The following AKAP19 variants were observed in gnomAD, a reference collection of about 807,000 sequenced individuals.
AKAP19 encodes the protein A-kinase anchoring protein 19, also known as small A-kinase anchoring protein.
the AKAP19 span, among the ~76,000 whole-genome samples, chr2:189,994,809 G>A: frequency 6.6e-6 from 1 of 152,078 alleles, no homozygotes; most frequent in African/African-American, 2.4e-5. Flanking sequence ...ATGTTGGCCA[G>A]GCTGGTCTCA....
the AKAP19 span, among the ~76,000 whole-genome samples, chr2:189,936,271 C>CAA: frequency 1.3e-5 from 2 of 151,708 alleles, no homozygotes; most frequent in Non-Finnish European, 2.9e-5. Flanking sequence ...CACACACACA[C>CAA]ACACACACAC....
At chr2:190,195,149 T>C in the AKAP19 span, among the ~76,000 whole-genome samples, 1 of 152,174 alleles carries the variant, frequency 6.6e-6, no homozygotes, top group African/African-American at 2.4e-5. Flanking sequence ...GGCGTGACTA[T>C]GCCCAGCCTA....
chr2:190,123,112 C>T, the AKAP19 span, among the ~76,000 whole-genome samples: 2 of 152,092 alleles, frequency 1.3e-5, no homozygotes, highest in African/African-American at 4.8e-5. Flanking sequence ...CACACACACA[C>T]TAAATATAGA....
chr2:190,016,634 C>A, the AKAP19 span, among the ~76,000 whole-genome samples: 62 of 152,276 alleles, frequency 4.1e-4, no homozygotes, highest in Middle Eastern at 6.8e-3. Context: ...TAGTTTCATA[C>A]AATTGTGATC....
the AKAP19 span, among the ~76,000 whole-genome samples, chr2:189,915,892 CAATTT>C: frequency 6.6e-6 from 1 of 151,954 alleles, no homozygotes; most frequent in African/African-American, 2.4e-5. Flanking sequence ...ATTTTTTGCT[CAATTT>C]AATTAGCTAT....
the AKAP19 span, among the ~76,000 whole-genome samples, chr2:189,931,666 C>A: frequency 6.6e-6 from 1 of 152,058 alleles, no homozygotes; most frequent in Non-Finnish European, 1.5e-5. Context: ...CCTCCTGCCT[C>A]AGCCCCAAAT....
chr2:190,137,294 A>G, the AKAP19 span, among the ~76,000 whole-genome samples: 1 of 152,216 alleles, frequency 6.6e-6, no homozygotes, highest in Admixed American at 6.5e-5. Flanking sequence ...TGTCCTTTAT[A>G]TAGTTCAAAT....
the AKAP19 span, among the ~76,000 whole-genome samples, chr2:189,980,044 C>T: frequency 3.3e-5 from 5 of 152,106 alleles, no homozygotes; most frequent in Non-Finnish European, 7.4e-5. Flanking sequence ...TCATTCAACC[C>T]AGCAATCTCA....
chr2:190,089,739 T>C, the AKAP19 span: 2 of 152,152 alleles, frequency 1.3e-5, no homozygotes, highest in Admixed American at 1.3e-4. Context: ...CAGCAAAGTG[T>C]TACTCCCGAA....
At chr2:190,093,922 A>G in the AKAP19 span, among the ~76,000 whole-genome samples, 1 of 152,210 alleles carries the variant, frequency 6.6e-6, no homozygotes, top group African/African-American at 2.4e-5. Context: ...CTCACCTCCA[A>G]CTTGGGCCAA....
chr2:190,166,195 T>G, the AKAP19 span, among the ~76,000 whole-genome samples: 1 of 151,256 alleles, frequency 6.6e-6, no homozygotes, highest in African/African-American at 2.4e-5. Context: ...AGCAATGTAA[T>G]GCTGATAGAC....
At chr2:190,020,958 C>T in the AKAP19 span, among the ~76,000 whole-genome samples, 2 of 152,112 alleles carry the variant, frequency 1.3e-5, no homozygotes, top group Non-Finnish European at 2.9e-5. Flanking sequence ...ATTAGCATAA[C>T]CTTGTATTAG....
the AKAP19 span, among the ~76,000 whole-genome samples, chr2:189,976,075 C>G: frequency 4.6e-5 from 7 of 152,116 alleles, no homozygotes; most frequent in African/African-American, 1.7e-4. Flanking sequence ...AGAATTTCAG[C>G]TTCCTGCTCT....
At chr2:189,916,408 A>T in the AKAP19 span, among the ~76,000 whole-genome samples, 5 of 143,266 alleles carry the variant, frequency 3.5e-5, no homozygotes, top group African/African-American at 5.2e-5. Flanking sequence ...TGCAACCTCC[A>T]CCTCCCAGGT....
At chr2:189,979,575 A>C in the AKAP19 span, among the ~76,000 whole-genome samples, 5 of 152,230 alleles carry the variant, frequency 3.3e-5, no homozygotes, top group African/African-American at 9.6e-5. Flanking sequence ...CAAAATAGAT[A>C]CATGAGACTT....
At chr2:190,200,261 T>G in the AKAP19 span, 1 of 823,320 alleles carries the variant, frequency 1.2e-6, no homozygotes, top group Non-Finnish European at 2.0e-6. Context: ...AAAATGTGTC[T>G]ACGATAATGT....
the AKAP19 span, among the ~76,000 whole-genome samples, chr2:190,004,587 T>A: frequency 4.6e-5 from 7 of 152,082 alleles, no homozygotes; most frequent in Admixed American, 6.6e-5. Context: ...CTTTTTATTT[T>A]TTTTTTTTGA....
the AKAP19 span, among the ~76,000 whole-genome samples, chr2:190,122,634 G>A: frequency 6.6e-6 from 1 of 152,068 alleles, no homozygotes; most frequent in Non-Finnish European, 1.5e-5. Flanking sequence ...CTCATTCTTT[G>A]ACTCCACAAT....
At chr2:190,047,500 T>C in the AKAP19 span, among the ~76,000 whole-genome samples, 1 of 152,198 alleles carries the variant, frequency 6.6e-6, no homozygotes, top group African/African-American at 2.4e-5. Context: ...ATTTGTCACA[T>C]TTTATGAGGC....
Sources: gnomAD v4.1 joint callset for allele counts (sites outside exome capture counted in the v4.1 genomes callset) on GRCh38, gnomAD v4.1.1 for gene constraint, MANE v1.5 for transcripts, NCBI Gene and HGNC (gene_info 2026-07-23, HGNC 2026-07-21) for gene names.